The following KCNH5 variants were observed in gnomAD, a reference collection of about 807,000 sequenced individuals.
The protein encoded by KCNH5 is potassium voltage-gated channel subfamily H member 5, also known as voltage-gated delayed rectifier potassium channel KCNH5.
In KCNH5, 46 loss-of-function variants were observed where a neutral mutation model predicts 96.1. That is an observed-to-expected ratio of 0.48 (90% CI 0.38 to 0.61). KCNH5 has a LOEUF of 0.61. Among genes scored for constraint, KCNH5 ranks in the 20% least tolerant of loss-of-function variants. The pLI is 0.00. For missense variants in KCNH5, 907 were observed against 1,225.8 expected, an observed-to-expected ratio of 0.74 and a Z score of 3.88; for synonymous variants, 439 against 449.8, an observed-to-expected ratio of 0.98 and a Z score of 0.30.
At chr14:62,762,462 C>T (rs1348929911) in intron 10 of KCNH5, among the ~76,000 whole-genome samples, 6 of 152,134 alleles carry the variant, frequency 3.9e-5, no homozygotes, top group Non-Finnish European at 7.4e-5. Context: ...CACCAACAGG[C>T]ACCCAGCAGC....
chr14:63,006,730 T>C (rs1304418193), intron 2 of KCNH5, among the ~76,000 whole-genome samples: 1 of 152,212 alleles, frequency 6.6e-6, no homozygotes, highest in Non-Finnish European at 1.5e-5. Flanking sequence ...GTATGTTAAC[T>C]GTGAGTAATT....
At chr14:62,966,241 A>G (rs1890303258) in intron 6 of KCNH5, among the ~76,000 whole-genome samples, 1 of 152,334 alleles carries the variant, frequency 6.6e-6, no homozygotes, top group Non-Finnish European at 1.5e-5. Context: ...CTGATCAACT[A>G]AACATTCAAA....
intron 10 of KCNH5, among the ~76,000 whole-genome samples, chr14:62,745,252 G>GTCT (rs1885352714): frequency 1.3e-5 from 2 of 151,646 alleles, no homozygotes; most frequent in African/African-American, 4.8e-5. Flanking sequence ...GAAAATCTCT[G>GTCT]AAAGTCATTA....
At chr14:63,043,076 T>C (rs1891856201) in intron 1 of KCNH5, among the ~76,000 whole-genome samples, 1 of 152,184 alleles carries the variant, frequency 6.6e-6, no homozygotes, top group Non-Finnish European at 1.5e-5. Flanking sequence ...TACTCATTAA[T>C]TTGAGTGGTA....
intron 10 of KCNH5, among the ~76,000 whole-genome samples, chr14:62,726,769 G>T (rs1462759062): frequency 1.3e-5 from 2 of 152,148 alleles, no homozygotes; most frequent in African/African-American, 4.8e-5. Context: ...TCCAGAAAAG[G>T]TTGTACACAT....
chr14:62,879,353 C>T lies in KCNH5; in HGVS notation c.1370-29501G>A, dbSNP rs192957377. On this transcript the variant is annotated intron_variant, in intron 7 of 10. Transcript: ENST00000322893. ...ATGACCAACAGTCCCACGTAATCTC[C>T]GTGATTATACTCTAATTATGTAATC... Among the ~76,000 whole-genome samples, 559 of 152,158 alleles carry T rather than the reference C, an allele frequency of 3.7e-3. 13 individuals carry two copies. Among genetic ancestry groups the T allele is most frequent in the Admixed American group, 6.6e-3 (101 of 15,266 alleles).
intron 4 of KCNH5, among the ~76,000 whole-genome samples, chr14:62,993,592 C>T (rs567668991): frequency 5.9e-5 from 9 of 152,142 alleles, no homozygotes; most frequent in African/African-American, 2.2e-4. Context: ...TTTGCTATCA[C>T]TAACAATGTC....
intron 7 of KCNH5, among the ~76,000 whole-genome samples, chr14:62,941,712 T>A (rs1275272528): frequency 1.3e-5 from 2 of 152,090 alleles, no homozygotes; most frequent in African/African-American, 2.4e-5. Flanking sequence ...TACACCGCAA[T>A]AACAAGGCCA....
chr14:62,985,643 C>G (rs1256227721), intron 5 of KCNH5, among the ~76,000 whole-genome samples: 1 of 152,170 alleles, frequency 6.6e-6, no homozygotes, highest in Admixed American at 6.6e-5. Flanking sequence ...AACAATAAAG[C>G]TATTAGCTGC....
chr14:62,723,236 T>C (rs1884853980), intron 10 of KCNH5, among the ~76,000 whole-genome samples: 1 of 152,228 alleles, frequency 6.6e-6, no homozygotes, highest in Non-Finnish European at 1.5e-5. Flanking sequence ...ACATTTGCTT[T>C]CTAAAAGAAT....
intron 8 of KCNH5, among the ~76,000 whole-genome samples, chr14:62,836,487 C>CA (rs1311443213): frequency 6.6e-6 from 1 of 151,928 alleles, no homozygotes; most frequent in Non-Finnish European, 1.5e-5. Flanking sequence ...AGAGTACTTG[C>CA]AAAGTAGTAA....
intron 7 of KCNH5, among the ~76,000 whole-genome samples, chr14:62,918,203 C>T (rs1310756626): frequency 6.6e-6 from 1 of 152,090 alleles, no homozygotes; most frequent in East Asian, 1.9e-4. Flanking sequence ...TGTGGGAGCT[C>T]TTAGTAAACT....
At chr14:62,963,099 C>T (rs1394324957) in intron 6 of KCNH5, among the ~76,000 whole-genome samples, 2 of 151,926 alleles carry the variant, frequency 1.3e-5, no homozygotes, top group East Asian at 1.9e-4. Flanking sequence ...CTCACATCAT[C>T]GTAAGAAAAA....
intron 7 of KCNH5, among the ~76,000 whole-genome samples, chr14:62,858,000 C>A (rs1595658031): frequency 6.6e-6 from 1 of 152,044 alleles, no homozygotes; most frequent in Non-Finnish European, 1.5e-5. Flanking sequence ...ACACACCAAT[C>A]CCCAACCCAA....
At position 63,032,296 on chromosome 14, in the gene KCNH5, G is replaced by A. The variant is rs1229315644; in HGVS notation, c.73+12818C>T. ...AACACACAGCTCTTCCAACAGAAAC[G>A]AAGTGCAGGCAAGACTACAAACCCA... On this transcript the variant is annotated intron_variant, in intron 1 of 10. Coordinates refer to ENST00000322893, the MANE Select transcript of KCNH5 (RefSeq NM_139318.5). Among the ~76,000 whole-genome samples, 4 of 151,894 alleles carry A rather than the reference G, an allele frequency of 2.6e-5. No individual in the cohort carries two copies. In the South Asian group the frequency reaches 6.2e-4, roughly 24 times the overall value.
chr14:62,798,231 A>G (rs892864975), intron 9 of KCNH5, among the ~76,000 whole-genome samples: 3 of 152,220 alleles, frequency 2.0e-5, no homozygotes, highest in Non-Finnish European at 4.4e-5. Context: ...AAAGACTTAG[A>G]TAGAGATTGT....
intron 8 of KCNH5, among the ~76,000 whole-genome samples, chr14:62,817,296 C>A: frequency 7.8e-6 from 1 of 128,210 alleles, no homozygotes; most frequent in South Asian, 2.4e-4. Context: ...AACTCGGAGA[C>A]ATCAGAAAAG....
intron 7 of KCNH5, among the ~76,000 whole-genome samples, chr14:62,935,079 G>A (rs975930521): frequency 6.6e-6 from 1 of 152,258 alleles, no homozygotes; most frequent in African/African-American, 2.4e-5. Context: ...GTGGAAAAGT[G>A]GGGGGATGAG....
chr14:62,853,458 T>TATATATATATATATATATATATC lies in KCNH5; in HGVS notation c.1370-3629_1370-3607dup, dbSNP rs1555360134. 5.3e-3 allele frequency among the ~76,000 whole-genome samples: 226 copies of TATATATATATATATATATATATC among 42,822 alleles called. 2 individuals are homozygous for TATATATATATATATATATATATC. Among genetic ancestry groups the TATATATATATATATATATATATC allele is most frequent in the Middle Eastern group, 0.024 (2 of 84 alleles). 28.1% of individuals were successfully genotyped at this position (42,822 alleles called of 152,430 possible). On this transcript the variant is annotated intron_variant, in intron 7 of 10. Coordinates refer to ENST00000322893, the MANE Select transcript of KCNH5 (RefSeq NM_139318.5). ...ATTTCCCAAACAAAAAGAATAATCA[T>TATATATATATATATATATATATC]ATATATATATATATATATATATCAT...
Sources: allele counts gnomAD v4.1 joint callset (sites outside exome capture counted in the v4.1 genomes callset), GRCh38; gene constraint gnomAD v4.1.1; transcripts MANE v1.5; gene names NCBI Gene and HGNC (gene_info 2026-07-23, HGNC 2026-07-21).